FBXL14: variants seen among roughly 807,000 people sequenced by gnomAD.
The protein encoded by FBXL14 is F-box and leucine rich repeat protein 14.
In FBXL14, 11 loss-of-function variants were observed where a neutral mutation model predicts 24.5. The observed-to-expected ratio is 0.45, with a 90% CI of 0.28 to 0.74. The LOEUF (loss-of-function observed/expected upper bound fraction) is 0.74. FBXL14 is among the 30% of genes least tolerant of loss of function. The pLI is 0.12. For missense variants in FBXL14, 384 were observed against 545.6 expected (o/e 0.70, Z 2.95); for synonymous variants, 294 against 240.4 (o/e 1.22, Z -2.06).
At chr12:1,582,174 GAAAGA>G (rs891773674) in intron 1 of FBXL14, among the ~76,000 whole-genome samples, 18 of 145,398 alleles carry the variant, frequency 1.2e-4, no homozygotes, top group African/African-American at 4.4e-4. Flanking sequence ...AGAAGGAAAA[GAAAGA>G]AAAGAAAGGA....
chr12:1,589,605 C>CTGTT (rs1249958616), intron 1 of FBXL14, among the ~76,000 whole-genome samples: 1 of 152,042 alleles, frequency 6.6e-6, no homozygotes, highest in Non-Finnish European at 1.5e-5. Flanking sequence ...GGGATAATAC[C>CTGTT]TGTTTCAGCA....
rs1013297745 is a variant in FBXL14 at position 1,569,692 on chromosome 12, T to A, written c.1195-2882A>T. On this transcript the variant is annotated intron_variant, in intron 1 of 1. Coordinates refer to ENST00000339235, the MANE Select transcript of FBXL14 (RefSeq NM_152441.3). This position sits in a 1 kb window ranked among gnomAD's most constrained non-coding sequence, Gnocchi z 4.2. The stretch of plus-strand genomic sequence containing the variant: ...TGGGATTACAGGCGTGAGCCACCGC[T>A]CCCGGCACCACTTGGTTCTTTATGG... Among the ~76,000 whole-genome samples, 1 of 152,230 alleles carries A rather than the reference T, an allele frequency of 6.6e-6. No homozygotes were observed. Among genetic ancestry groups the A allele is most frequent in the South Asian group, 2.1e-4 (1 of 4,834 alleles).
chr12:1,574,364 G>A (rs2094451138), intron 1 of FBXL14, among the ~76,000 whole-genome samples: 2 of 152,314 alleles, frequency 1.3e-5, no homozygotes, highest in South Asian at 4.1e-4. Context: ...GGTGAGAGGA[G>A]GCTGGTGGCA....
intron 1 of FBXL14, among the ~76,000 whole-genome samples, chr12:1,577,062 T>C (rs1040150754): frequency 6.6e-6 from 1 of 152,196 alleles, no homozygotes; most frequent in East Asian, 1.9e-4. Flanking sequence ...AGTCCTGCCG[T>C]TGGCTGTCAG....
chr12:1,574,061 G>C (rs563194765), intron 1 of FBXL14, among the ~76,000 whole-genome samples: 1 of 152,066 alleles, frequency 6.6e-6, no homozygotes, highest in South Asian at 2.1e-4. Context: ...CAGAATAAGA[G>C]GCTGCGATTC....
intron 1 of FBXL14, among the ~76,000 whole-genome samples, chr12:1,575,575 T>G (rs1414584260): frequency 1.3e-5 from 2 of 152,178 alleles, no homozygotes; most frequent in African/African-American, 4.8e-5. Context: ...GAATCTCCTG[T>G]CTGAAGCCCC....
rs1287443328 is a variant in FBXL14, at chr12:1,567,871, C to CCACCCACACGCACACGCG, written c.1195-1079_1195-1062dup. Among the ~76,000 whole-genome samples the CCACCCACACGCACACGCG allele has an allele frequency of 6.6e-6, 1 of 152,176 alleles. No homozygotes were observed. Among genetic ancestry groups the CCACCCACACGCACACGCG allele is most frequent in the Admixed American group, 6.5e-5 (1 of 15,282 alleles). ...CACATGTGAAAAGGGAAAAGAAAAC[C>CCACCCACACGCACACGCG]CACCCACACGCACACGCGCGCACAC... On this transcript the variant is annotated intron_variant, in intron 1 of 1. Coordinates refer to ENST00000339235, the MANE Select transcript of FBXL14 (RefSeq NM_152441.3). This position sits in a 1 kb window ranked among gnomAD's most constrained non-coding sequence, Gnocchi z 4.8.
intron 1 of FBXL14, among the ~76,000 whole-genome samples, chr12:1,591,635 AAAAG>A (rs1181142297): frequency 6.6e-5 from 10 of 152,206 alleles, no homozygotes; most frequent in Admixed American, 4.6e-4. Flanking sequence ...AACCCCCACC[AAAAG>A]AAAGAAAGTC....
chr12:1,593,599 G>T lies in FBXL14; in HGVS notation c.468C>A (p.Ile156=), dbSNP rs778630329. The change falls in exon 1 of 2, where the codon ATC becomes ATA. Residue 156 remains isoleucine, a synonymous_variant. Transcript: ENST00000339235. This position sits in a 1 kb window ranked among gnomAD's most constrained non-coding sequence, Gnocchi z 7.4. ...EVLELGGCSN[I]TNTGLLLIAW... The stretch of plus-strand genomic sequence containing the variant: ...CGATGAGCAGAAGGCCAGTGTTGGT[G>T]ATGTTGCTGCAACCTCCCAGCTCCA... The T allele has an allele frequency of 6.2e-7, 1 of 1,614,216 alleles. No individual in the cohort carries two copies. Among genetic ancestry groups the T allele is most frequent in the Admixed American group, 1.7e-5 (1 of 60,034 alleles).
In FBXL14 at chr12:1,567,435, G is replaced by A. The variant is rs2094438145; in HGVS notation, c.1195-625C>T. Among the ~76,000 whole-genome samples the A allele has an allele frequency of 6.6e-6, 1 of 152,142 alleles. No individual in the cohort carries two copies. Among genetic ancestry groups the A allele is most frequent in the South Asian group, 2.1e-4 (1 of 4,826 alleles). On this transcript the variant is annotated intron_variant, in intron 1 of 1. Coordinates refer to ENST00000339235, the MANE Select transcript of FBXL14 (RefSeq NM_152441.3). The surrounding 1 kb of genome is among the most constrained non-coding windows in gnomAD (Gnocchi z 4.8). ...TGAACCGGGAGGCAGAGGTTGCAGT[G>A]AGCCAAGATCGCGCCACTGTACTGC...
intron 1 of FBXL14, among the ~76,000 whole-genome samples, chr12:1,573,640 A>C (rs577321192): frequency 1.3e-5 from 2 of 152,240 alleles, no homozygotes; most frequent in African/African-American, 4.8e-5. Context: ...AGGGTGAGGA[A>C]GAGTTCTCCA....
chr12:1,592,794 G>T, intron 1 of FBXL14, 79 bp downstream of exon 1: 2 of 1,212,394 alleles, frequency 1.6e-6, no homozygotes, highest in East Asian at 2.4e-5. Context: ...AAGTGTGCGT[G>T]TGAGTGTGTG....
chr12:1,577,698 G>A (rs1389336408), intron 1 of FBXL14, among the ~76,000 whole-genome samples: 4 of 152,248 alleles, frequency 2.6e-5, no homozygotes, highest in Non-Finnish European at 4.4e-5. Context: ...CCTTAGGAGT[G>A]CAGAGACCAT....
chr12:1,582,253 A>AAAAG (rs1362743879), intron 1 of FBXL14, among the ~76,000 whole-genome samples: 1 of 152,176 alleles, frequency 6.6e-6, no homozygotes, highest in Non-Finnish European at 1.5e-5. Flanking sequence ...AAAAGAAAAG[A>AAAAG]AAAGAAAGAG....
At position 1,577,103 on chromosome 12, in the gene FBXL14, G is replaced by A. The variant is rs370761383; in HGVS notation, c.1195-10293C>T. Among the ~76,000 whole-genome samples, 47 of 152,274 alleles carry A rather than the reference G, an allele frequency of 3.1e-4. No homozygotes were observed. In the South Asian group the frequency reaches 9.5e-3, roughly 31 times the overall value. On this transcript the variant is annotated intron_variant, in intron 1 of 1. Coordinates refer to ENST00000339235, the MANE Select transcript of FBXL14 (RefSeq NM_152441.3). ...CCTGGATAAACTCCTCATCCTTCCC[G>A]GGAAGAAACTTCTAGCAATGCTTAA...
intron 1 of FBXL14, among the ~76,000 whole-genome samples, chr12:1,572,653 C>G (rs547720180): frequency 8.5e-5 from 13 of 152,128 alleles, no homozygotes; most frequent in Non-Finnish European, 1.6e-4. Flanking sequence ...GAGAGGAAGG[C>G]AGGGCCAGGT....
chr12:1,586,910 GT>G, intron 1 of FBXL14, among the ~76,000 whole-genome samples: 2 of 152,316 alleles, frequency 1.3e-5, no homozygotes, highest in South Asian at 4.1e-4. Context: ...ATCCTTGTAA[GT>G]TTTTTATAAG....
chr12:1,568,680 T>C (rs2094440184), intron 1 of FBXL14, among the ~76,000 whole-genome samples: 1 of 151,944 alleles, frequency 6.6e-6, no homozygotes, highest in Non-Finnish European at 1.5e-5. Flanking sequence ...TCATACTACC[T>C]GTGAAACCCC....
intron 1 of FBXL14, among the ~76,000 whole-genome samples, chr12:1,582,183 GA>G (rs1484429523): frequency 2.0e-5 from 3 of 147,138 alleles, no homozygotes; most frequent in Admixed American, 1.4e-4. Context: ...AGAAAGAAAA[GA>G]AAGGAAGAAA....
Sources: gnomAD v4.1 joint callset for allele counts (sites outside exome capture counted in the v4.1 genomes callset) on GRCh38, gnomAD v4.1.1 for gene constraint, Gnocchi (gnomAD v3.1) non-coding constraint, MANE v1.5 for transcripts, NCBI Gene and HGNC (gene_info 2026-07-23, HGNC 2026-07-21) for gene names.